DNAH7: variants seen among roughly 807,000 people sequenced by gnomAD.
The protein encoded by DNAH7 is axonemal beta dynein heavy chain 7.
Under a neutral mutation model 444.6 loss-of-function variants are expected in DNAH7, and 397 were observed. The observed-to-expected ratio is 0.89, with a 90% CI of 0.82 to 0.97. The LOEUF is 0.97. Among genes scored for constraint, DNAH7 ranks in the 50% least tolerant of loss-of-function variants. The pLI is 0.00. For synonymous variants in DNAH7, 1,636 were observed against 1,624.4 expected (o/e 1.01, Z -0.17); for missense variants, 4,902 against 4,800.8 (o/e 1.02, Z -0.62).
chr2:195,787,372 T>C (rs920731095), intron 57 of DNAH7, among the ~76,000 whole-genome samples: 1 of 152,212 alleles, frequency 6.6e-6, no homozygotes, highest in Non-Finnish European at 1.5e-5. Context: ...TATGTTCACA[T>C]AGCTATGCAC....
At chr2:195,898,648 G>A (rs368388865) in intron 28 of DNAH7, among the ~76,000 whole-genome samples, 26 of 152,328 alleles carry the variant, frequency 1.7e-4, no homozygotes, top group Non-Finnish European at 3.4e-4. Context: ...GACAGAAGCC[G>A]AAGTGGAAGG....
At chr2:195,773,591 G>T (rs1694940344) in intron 60 of DNAH7, among the ~76,000 whole-genome samples, 1 of 151,954 alleles carries the variant, frequency 6.6e-6, no homozygotes, top group African/African-American at 2.4e-5. Context: ...AGAGCAATTG[G>T]GTCCTATTTA....
intron 14 of DNAH7, 32 bp downstream of exon 14, chr2:195,987,034 A>C: frequency 6.5e-7 from 1 of 1,541,092 alleles, no homozygotes; most frequent in African/African-American, 1.4e-5. Context: ...ATCCCCTCCC[A>C]AAAAATAAAA....
intron 15 of DNAH7, among the ~76,000 whole-genome samples, chr2:195,979,458 T>C (rs979451581): frequency 2.0e-5 from 3 of 152,044 alleles, no homozygotes; most frequent in Non-Finnish European, 2.9e-5. Flanking sequence ...CCAAAACCTA[T>C]GGGACACAGC....
rs773317190 is a variant in DNAH7, at chr2:195,857,420, C to T, written c.8371G>A (p.Glu2791Lys). Residue 2791 changes from glutamate to lysine, a missense_variant, in exon 44 of 65, where the codon GAA (glutamate) becomes AAA (lysine). By Grantham distance (56) the Glu-to-Lys change is moderately conservative (BLOSUM62 1). Transcript: ENST00000312428. The stretch of plus-strand genomic sequence containing the variant: ...GCTATGACCCATTTGCACAGACCTT[C>T]GGCCGCTGTAGAAGCATTTCTGATT... ...EKIRNASTAA[E>K]GLCKWVIAMD... 2.5e-5 allele frequency: 41 copies of T among 1,608,620 alleles called. No homozygotes were observed. Among genetic ancestry groups the T allele is most frequent in the South Asian group, 5.6e-5 (5 of 89,746 alleles).
chr2:195,926,377 T>C (rs753800792), intron 22 of DNAH7, 49 bp downstream of exon 22: 5 of 1,421,106 alleles, frequency 3.5e-6, no homozygotes, highest in Middle Eastern at 1.8e-4. Flanking sequence ...CTGGCAATAA[T>C]ACTATTGAAA....
At chr2:195,862,043 A>G in intron 41 of DNAH7, 97 bp from the exon 42 acceptor site, 5 of 919,738 alleles carry the variant, frequency 5.4e-6, no homozygotes, top group Non-Finnish European at 5.1e-6. Context: ...TTGGGGGTGA[A>G]GGGGAATAGT....
chr2:195,745,018 G>A (rs751357755), intron 63 of DNAH7, among the ~76,000 whole-genome samples: 4 of 152,232 alleles, frequency 2.6e-5, no homozygotes, highest in Non-Finnish European at 4.4e-5. Context: ...TGACTTTGAC[G>A]AGCTGAGAGA....
Position 195,756,072 on chromosome 2 carries a change from C to T in DNAH7, c.11586+61G>A, listed in dbSNP as rs955367045. 4.0e-6 allele frequency: 6 copies of T among 1,517,878 alleles called. No individual in the cohort carries two copies. The African/African-American group carries it at 4.2e-5, about 11-fold the overall frequency. The allele number at this position is 1,517,878 out of a possible 1,614,324, so 94.0% of individuals were successfully genotyped here. On this transcript the variant is annotated intron_variant, in intron 62 of 64. Transcript: ENST00000312428. ...AGTAATACTCATTACATTAAGCATT[C>T]TGACGAAGAAAATGAAACCAGGAGA... is the stretch of plus-strand genomic sequence containing the variant.
intron 47 of DNAH7, 156 bp from the exon 48 acceptor site, chr2:195,834,516 G>T (rs762387402): frequency 2.6e-6 from 2 of 765,092 alleles, no homozygotes; most frequent in Non-Finnish European, 3.8e-6. Context: ...AAACAGAGAC[G>T]TGTAGATTGA....
chr2:195,960,207 A>C, intron 18 of DNAH7, 53 bp downstream of exon 18: 1 of 1,414,182 alleles, frequency 7.1e-7, no homozygotes, highest in Non-Finnish European at 9.6e-7. Context: ...TACATTAAAC[A>C]CAAGTGATTT....
chr2:195,932,565 C>T (rs1688771105), intron 21 of DNAH7, among the ~76,000 whole-genome samples: 1 of 151,992 alleles, frequency 6.6e-6, no homozygotes, highest in Non-Finnish European at 1.5e-5. Flanking sequence ...TCATAGAGAG[C>T]TCTTATTGAT....
chr2:195,804,989 C>T (rs1696640375), intron 54 of DNAH7, among the ~76,000 whole-genome samples: 1 of 152,050 alleles, frequency 6.6e-6, no homozygotes, highest in Non-Finnish European at 1.5e-5. Context: ...TAAAAACAAA[C>T]AAAAAACATA....
intron 20 of DNAH7, 72 bp downstream of exon 20, chr2:195,936,527 G>C (rs1013827677): frequency 2.3e-5 from 23 of 982,368 alleles, no homozygotes; most frequent in African/African-American, 1.7e-4. Context: ...ATATATTTAT[G>C]TTCTACTTTG....
intron 30 of DNAH7, 102 bp downstream of exon 30, chr2:195,894,874 G>A: frequency 8.8e-7 from 1 of 1,139,598 alleles, no homozygotes; most frequent in Non-Finnish European, 1.2e-6. Flanking sequence ...TTTTTCTCAT[G>A]ATTTTAAGTT....
At chr2:195,987,830 G>A (rs1485206802) in intron 13 of DNAH7, 127 bp downstream of exon 13, 2 of 934,694 alleles carry the variant, frequency 2.1e-6, no homozygotes, top group African/African-American at 1.7e-5. Flanking sequence ...CACATCAGAA[G>A]CTCAATAAAT....
At chr2:195,846,423 G>C (rs1277362420) in intron 46 of DNAH7, among the ~76,000 whole-genome samples, 2 of 152,224 alleles carry the variant, frequency 1.3e-5, no homozygotes, top group African/African-American at 4.8e-5. Context: ...ATGTAAATTA[G>C]TTCAGCCATT....
chr2:195,903,416 A>G (rs993512051), intron 27 of DNAH7: 1 of 152,024 alleles, frequency 6.6e-6, no homozygotes, highest in Non-Finnish European at 1.5e-5. Flanking sequence ...CCCTACATAT[A>G]CTCTGAAAAG....
rs550638297 is a variant in DNAH7 at position 195,917,913 on chromosome 2, C to T, written c.3935+4175G>A. 1.5e-3 allele frequency among the ~76,000 whole-genome samples: 227 copies of T among 152,268 alleles called. 1 individual carries two copies. Among genetic ancestry groups the T allele is most frequent in the African/African-American group, 5.0e-3 (207 of 41,552 alleles). ...TGAATTCTTGGTGTCAAGTGATCCTCCTCCCTTGGCCTCCCAAAGTGCTGG... is the reference window on the plus strand; with the variant it reads ...TGAATTCTTGGTGTCAAGTGATCCTTCTCCCTTGGCCTCCCAAAGTGCTGG... On this transcript the variant is annotated intron_variant, in intron 24 of 64. Coordinates refer to ENST00000312428, the MANE Select transcript of DNAH7 (RefSeq NM_018897.3).
Sources: gnomAD v4.1 joint callset for allele counts (sites outside exome capture counted in the v4.1 genomes callset) on GRCh38, gnomAD v4.1.1 for gene constraint, MANE v1.5 for transcripts, NCBI Gene and HGNC (gene_info 2026-07-23, HGNC 2026-07-21) for gene names.